ZNF451: variants seen among roughly 807,000 people sequenced by gnomAD.
ZNF451 encodes E3 SUMO-protein ligase ZNF451.
A neutral mutation model predicts 107.1 loss-of-function variants in ZNF451; 80 were observed. That is an observed-to-expected ratio of 0.75 (90% confidence interval 0.62 to 0.90). The LOEUF (loss-of-function observed/expected upper bound fraction) is 0.90, where lower values mean the gene tolerates loss of function less well. Among genes scored for constraint, ZNF451 ranks in the 40% least tolerant of loss-of-function variants. The pLI is 0.00. For missense variants in ZNF451, 1,107 were observed against 1,236.2 expected (o/e 0.90, Z 1.57); for synonymous variants, 362 against 406.5 (o/e 0.89, Z 1.32).
At chr6:57,097,909 T>C (rs1389568836) in intron 2 of ZNF451, among the ~76,000 whole-genome samples, 1 of 151,634 alleles carries the variant, frequency 6.6e-6, no homozygotes, top group Non-Finnish European at 1.5e-5. Flanking sequence ...TAGAGATCAC[T>C]GACTCCTTGT....
At chr6:57,102,091 A>C (rs1274573444) in intron 3 of ZNF451, 1 of 1,504,444 alleles carries the variant, frequency 6.6e-7, no homozygotes. Context: ...TGGGTACAAG[A>C]ATTAATAACC....
intron 3 of ZNF451, chr6:57,108,970 A>G: frequency 1.0e-6 from 1 of 985,402 alleles, no homozygotes; most frequent in Non-Finnish European, 1.2e-6. Context: ...GTGTTTTTCA[A>G]AGCCCCATTC....
At chr6:57,104,104 T>C in intron 3 of ZNF451, 1 of 984,692 alleles carries the variant, frequency 1.0e-6, no homozygotes, top group Non-Finnish European at 1.2e-6. Context: ...TTCTGTATTT[T>C]ACTCAAAATT....
chr6:57,162,624 C>T (rs1339628172), intron 14 of ZNF451, among the ~76,000 whole-genome samples: 1 of 152,118 alleles, frequency 6.6e-6, no homozygotes, highest in Non-Finnish European at 1.5e-5. Context: ...TTTATCAAGG[C>T]CACTAAAAGA....
chr6:57,164,037 T>A (rs1199613872), intron 14 of ZNF451, among the ~76,000 whole-genome samples: 3 of 152,238 alleles, frequency 2.0e-5, no homozygotes, highest in Non-Finnish European at 4.4e-5. Flanking sequence ...AATCTGCTTA[T>A]GGCTTTTTGC....
intron 3 of ZNF451, chr6:57,101,041 C>T (rs923976838): frequency 2.8e-5 from 43 of 1,550,078 alleles, no homozygotes; most frequent in Non-Finnish European, 3.7e-5. Flanking sequence ...TAGATTTCAT[C>T]ATTCTAGGCC....
chr6:57,114,792 ATAAT>A (rs1830285422), intron 3 of ZNF451: 1 of 152,208 alleles, frequency 6.6e-6, no homozygotes, highest in Non-Finnish European at 1.5e-5. Context: ...TTCTTCATTA[ATAAT>A]TAAAATTAGT....
intron 3 of ZNF451, chr6:57,101,888 CTGT>C: frequency 6.4e-7 from 1 of 1,550,516 alleles, no homozygotes; most frequent in Non-Finnish European, 8.7e-7. Flanking sequence ...GATGTGAAAG[CTGT>C]TGTTGCAGAA....
chr6:57,103,820 T>C (rs1238581454), intron 3 of ZNF451: 2 of 985,266 alleles, frequency 2.0e-6, no homozygotes, highest in Middle Eastern at 5.2e-4. Flanking sequence ...GGTGCCACAC[T>C]TTTTAATAAT....
chr6:57,134,141 C>CT, intron 6 of ZNF451: 20 of 152,328 alleles, frequency 1.3e-4, no homozygotes. Flanking sequence ...CCTACTTATG[C>CT]CTTACCTTAT....
In ZNF451 at chr6:57,169,323, T is replaced by C. The variant is rs957846488; in HGVS notation, c.*854T>C. 3 of 152,198 alleles carry C rather than the reference T, an allele frequency of 2.0e-5. No homozygotes were observed. The highest frequency in any genetic ancestry group is 4.4e-5 in the Non-Finnish European group (3 of 68,008). The allele number at this position is 152,198 out of a possible 1,614,324, so 9.4% of individuals were successfully genotyped here. On this transcript the variant is annotated 3_prime_UTR_variant, in exon 15 of 15. Coordinates refer to ENST00000370706, the MANE Select transcript of ZNF451 (RefSeq NM_001031623.3). ...TCTTCCTTAACTCTTTAAATTTTTA[T>C]TTCATGTGAAGTGTTTTCAGTTTAG... is the stretch of plus-strand genomic sequence containing the variant.
rs573218727 is a variant in ZNF451 at position 57,155,570 on chromosome 6, A to G, written c.3070+1523A>G. On this transcript the variant is annotated intron_variant, in intron 13 of 14. Transcript: ENST00000370706. ...ATCTACTTAATATCCTATAAGATAAAGTTTTACCTTTGCCGCACAAGGCCA... is the reference window on the plus strand; with the variant it reads ...ATCTACTTAATATCCTATAAGATAAGGTTTTACCTTTGCCGCACAAGGCCA... Among the ~76,000 whole-genome samples the G allele has an allele frequency of 4.6e-5, 7 of 152,308 alleles. No individual in the cohort carries two copies. The South Asian group carries it at 1.5e-3, about 32-fold the overall frequency.
intron 3 of ZNF451, chr6:57,102,291 C>G (rs772310655): frequency 2.2e-5 from 29 of 1,291,720 alleles, no homozygotes; most frequent in Non-Finnish European, 2.8e-5. Flanking sequence ...ACTTATTGGC[C>G]AAGTGAGCAG....
chr6:57,121,953 A>T (rs1468203391), intron 3 of ZNF451, among the ~76,000 whole-genome samples: 8 of 152,156 alleles, frequency 5.3e-5, no homozygotes, highest in Non-Finnish European at 8.8e-5. Context: ...AGCCAGAGAC[A>T]TCACATTACC....
rs556306393 is a variant in ZNF451 at position 57,100,744 on chromosome 6, A to C, written c.186+1603A>C. The C allele has an allele frequency of 1.9e-5, 30 of 1,550,578 alleles. No individual in the cohort carries two copies. The South Asian group carries it at 3.5e-4, about 18-fold the overall frequency. On this transcript the variant is annotated intron_variant, in intron 3 of 14. Transcript: ENST00000370706. ...CAGTCCAGAAAGGATAGTTTCTCAA[A>C]CTTCCTCTGTTGAGAACCCATTGGA...
chr6:57,112,105 C>T (rs983226631), intron 3 of ZNF451, among the ~76,000 whole-genome samples: 2 of 152,078 alleles, frequency 1.3e-5, no homozygotes, highest in African/African-American at 4.8e-5. Flanking sequence ...ATATAAAATT[C>T]TTGAGAAAAA....
At chr6:57,102,319 G>T in intron 3 of ZNF451, 1 of 1,227,658 alleles carries the variant, frequency 8.1e-7, no homozygotes, top group Non-Finnish European at 1.0e-6. Flanking sequence ...TTTCTTGAAA[G>T]GGTTGGACAA....
intron 3 of ZNF451, chr6:57,105,368 T>C (rs1278061618): frequency 2.0e-6 from 2 of 984,420 alleles, no homozygotes; most frequent in Non-Finnish European, 2.4e-6. Flanking sequence ...AAGTACTGTT[T>C]CCATTTTTAT....
At position 57,147,387 on chromosome 6, in the gene ZNF451, A is replaced by G; in HGVS notation, c.1302A>G (p.Lys434=). The G allele has an allele frequency of 6.2e-7, 1 of 1,614,144 alleles. No homozygotes were observed. Among genetic ancestry groups the G allele is most frequent in the East Asian group, 2.2e-5 (1 of 44,876 alleles). Residue 434 remains lysine (K), a synonymous_variant, in exon 10 of 15, where the codon AAA becomes AAG. Coordinates refer to ENST00000370706, the MANE Select transcript of ZNF451 (RefSeq NM_001031623.3). ...FSSLKRTMSI[K]ESSSLECIAI... ...CACTTAAAAGAACCATGTCTATTAA[A>G]GAATCTAGCTCACTGGAGTGCATTG... is the stretch of plus-strand genomic sequence containing the variant.
Sources: gnomAD v4.1 joint callset for allele counts (sites outside exome capture counted in the v4.1 genomes callset) on GRCh38, gnomAD v4.1.1 for gene constraint, MANE v1.5 for transcripts, NCBI Gene and HGNC (gene_info 2026-07-23, HGNC 2026-07-21) for gene names.